Variants in DPF3 observed in about 807,000 individuals in gnomAD.
DPF3 encodes double PHD fingers 3.
DPF3 carries 18 observed loss-of-function variants against 56.8 expected under a neutral mutation model. The observed-to-expected ratio is 0.32, with a 90% CI of 0.22 to 0.47. The LOEUF (loss-of-function observed/expected upper bound fraction) is 0.47, where lower values mean the gene tolerates loss of function less well. DPF3 is among the 20% of genes least tolerant of loss of function. The pLI, the probability that DPF3 is intolerant of heterozygous loss-of-function variation, is 1.00. For synonymous variants in DPF3, 188 were observed against 180.2 expected (o/e 1.04, Z -0.35); for missense variants, 403 against 488.8 (o/e 0.82, Z 1.65).
chr14:72,709,709 C>G (rs1888574066), intron 6 of DPF3, among the ~76,000 whole-genome samples: 1 of 152,078 alleles, frequency 6.6e-6, no homozygotes, highest in Non-Finnish European at 1.5e-5. Context: ...CTGTTCGCAT[C>G]CTAGATCCCA....
At chr14:72,630,894 G>A (rs1885132935) in intron 8 of DPF3, among the ~76,000 whole-genome samples, 1 of 152,164 alleles carries the variant, frequency 6.6e-6, no homozygotes, top group African/African-American at 2.4e-5. Context: ...AGAGACAGGG[G>A]ACACCAATCA....
chr14:72,727,560 G>GA, intron 4 of DPF3, among the ~76,000 whole-genome samples: 1 of 150,674 alleles, frequency 6.6e-6, no homozygotes, highest in East Asian at 1.9e-4. Flanking sequence ...TGGGTGACGA[G>GA]GCGAGACTCC....
At chr14:72,795,293 A>ATATAT (rs1317667797) in intron 1 of DPF3, among the ~76,000 whole-genome samples, 393 of 107,890 alleles carry the variant, frequency 3.6e-3, no homozygotes, top group Non-Finnish European at 5.6e-3. Flanking sequence ...AAAAAAAAAA[A>ATATAT]AAATATATAT....
At position 72,616,581 on chromosome 14, in the gene DPF3, A is replaced by G. The variant is rs1449111220; in HGVS notation, c.*2716T>C. Among the ~76,000 whole-genome samples, 3 of 152,174 alleles carry G rather than the reference A, an allele frequency of 2.0e-5. No homozygotes were observed. The highest frequency in any genetic ancestry group is 7.2e-5 in the African/African-American group (3 of 41,428). ...GCTCTGCAGTGCTTGTTTATGTAAC[A>G]TGATGCTTAAGAGTCCCAGTGTCAC... On this transcript the variant is annotated 3_prime_UTR_variant, in exon 11 of 11. Coordinates refer to ENST00000556509, the MANE Select transcript of DPF3 (RefSeq NM_001280542.3).
chr14:72,857,372 G>C (rs762036863), intron 1 of DPF3, among the ~76,000 whole-genome samples: 2 of 152,136 alleles, frequency 1.3e-5, no homozygotes, highest in Non-Finnish European at 2.9e-5. Context: ...TACTTAAAAA[G>C]CAAAAGTTTA....
Position 72,619,269 on chromosome 14 carries a change from A to C in DPF3, c.*28T>G. 1 of 1,535,060 alleles carries C rather than the reference A, an allele frequency of 6.5e-7. No homozygotes were observed. The highest frequency in any genetic ancestry group is 8.7e-7 in the Non-Finnish European group (1 of 1,146,158). ...TGGGCTCTGCTTTAGGATCTCCAGC[A>C]GCGAGTCACATTCTGTGACCTGGGG... On this transcript the variant is annotated 3_prime_UTR_variant, in exon 11 of 11. Coordinates refer to ENST00000556509, the MANE Select transcript of DPF3 (RefSeq NM_001280542.3).
Position 72,612,146 on chromosome 14 carries a change from G to A in DPF3, c.*7151C>T, listed in dbSNP as rs1883764472. Among the ~76,000 whole-genome samples, 1 of 152,216 alleles carries A rather than the reference G, an allele frequency of 6.6e-6. No individual in the cohort carries two copies. The highest frequency in any genetic ancestry group is 6.5e-5 in the Admixed American group (1 of 15,288). The stretch of plus-strand genomic sequence containing the variant: ...TTTTCCTTCAGAGGAAAAACCCCCA[G>A]GGTGGACAACCATGGCAGATGAGTG... On this transcript the variant is annotated 3_prime_UTR_variant, in exon 11 of 11. Transcript: ENST00000556509.
chr14:72,771,853 G>T lies in DPF3; in HGVS notation c.73C>A (p.Arg25=), dbSNP rs750004285. Residue 25 remains arginine (R), a synonymous_variant, in exon 2 of 11, where the codon CGG becomes AGG. Coordinates refer to ENST00000556509, the MANE Select transcript of DPF3 (RefSeq NM_001280542.3). The stretch of plus-strand genomic sequence containing the variant: ...GCACACAGCCGTGAGTTGTAACTCC[G>T]GCAGTGCTCAATGGCTTCCTTGTAG... ...QFYKEAIEHC[R]SYNSRLCAER... is the part of the protein sequence containing the mutation. 6.2e-7 allele frequency: 1 copy of T among 1,610,070 alleles called. No homozygotes were observed. Among genetic ancestry groups the T allele is most frequent in the South Asian group, 1.1e-5 (1 of 90,606 alleles).
At chr14:72,879,132 C>T (rs1886227159) in intron 1 of DPF3, among the ~76,000 whole-genome samples, 1 of 152,154 alleles carries the variant, frequency 6.6e-6, no homozygotes, top group African/African-American at 2.4e-5. Context: ...GCCTGTAATC[C>T]CAGCACTTTG....
At chr14:72,821,567 C>A (rs545656229) in intron 1 of DPF3, among the ~76,000 whole-genome samples, 1 of 152,262 alleles carries the variant, frequency 6.6e-6, no homozygotes, top group Admixed American at 6.5e-5. Context: ...ATAAATATTT[C>A]TCAAATATAC....
chr14:72,633,245 A>T (rs1885271335), intron 8 of DPF3, among the ~76,000 whole-genome samples: 2 of 152,120 alleles, frequency 1.3e-5, no homozygotes, highest in South Asian at 4.1e-4. Flanking sequence ...GAAACTGAGA[A>T]TTCTGGTGGA....
chr14:72,834,055 G>A (rs534129342), intron 1 of DPF3, among the ~76,000 whole-genome samples: 4 of 152,066 alleles, frequency 2.6e-5, no homozygotes, highest in Admixed American at 6.5e-5. Context: ...GCTGGTGCAC[G>A]CCTGTAATCC....
intron 1 of DPF3, among the ~76,000 whole-genome samples, chr14:72,819,515 A>C (rs1883436390): frequency 6.6e-6 from 1 of 152,210 alleles, no homozygotes; most frequent in Non-Finnish European, 1.5e-5. Flanking sequence ...ACTCAGCAAA[A>C]AAAAAGATGT....
At chr14:72,724,510 T>C (rs796125353) in intron 4 of DPF3, among the ~76,000 whole-genome samples, 13 of 152,024 alleles carry the variant, frequency 8.6e-5, no homozygotes, top group African/African-American at 3.1e-4. Flanking sequence ...CCAGATGTAA[T>C]CTGGCATACT....
At chr14:72,821,934 G>A (rs1011590999) in intron 1 of DPF3, among the ~76,000 whole-genome samples, 1 of 152,116 alleles carries the variant, frequency 6.6e-6, no homozygotes, top group African/African-American at 2.4e-5. Context: ...CTTGAGCCCA[G>A]GAGTTCAAGG....
At chr14:72,867,652 T>C (rs1260829003) in intron 1 of DPF3, among the ~76,000 whole-genome samples, 1 of 152,200 alleles carries the variant, frequency 6.6e-6, no homozygotes, top group African/African-American at 2.4e-5. Context: ...TCCATGACTA[T>C]CAAAGTTGGG....
At chr14:72,809,561 G>A (rs1406857705) in intron 1 of DPF3, among the ~76,000 whole-genome samples, 1 of 152,232 alleles carries the variant, frequency 6.6e-6, no homozygotes, top group African/African-American at 2.4e-5. Flanking sequence ...GGGAGGCCTG[G>A]TCACACCTGC....
At chr14:72,821,559 A>G (rs551074609) in intron 1 of DPF3, among the ~76,000 whole-genome samples, 18 of 152,354 alleles carry the variant, frequency 1.2e-4, no homozygotes, top group South Asian at 4.1e-4. Flanking sequence ...CAAACTTAAT[A>G]AATATTTCTC....
intron 4 of DPF3, 162 bp downstream of exon 4, chr14:72,731,645 A>T (rs1599391963): frequency 1.1e-6 from 1 of 950,504 alleles, no homozygotes; most frequent in East Asian, 2.7e-5. Context: ...AGGTTAAGTC[A>T]GAAAAGAATT....
Sources: gnomAD v4.1 joint callset for allele counts (sites outside exome capture counted in the v4.1 genomes callset) on GRCh38, gnomAD v4.1.1 for gene constraint, MANE v1.5 for transcripts, NCBI Gene and HGNC (gene_info 2026-07-23, HGNC 2026-07-21) for gene names.